The following DGKI variants were observed in gnomAD, a reference collection of about 807,000 sequenced individuals.
The protein encoded by DGKI is DAG kinase iota.
In DGKI, 55 loss-of-function variants were observed where a neutral mutation model predicts 147.5. That is an observed-to-expected ratio of 0.37 (90% CI 0.30 to 0.47). The LOEUF is 0.47. DGKI is among the 20% of genes least tolerant of loss of function. The probability of loss-of-function intolerance (pLI) is 1.00; values close to 1 mark genes in which losing one functional copy is unlikely to be tolerated. For synonymous variants in DGKI, 469 were observed against 477.1 expected (o/e 0.98, Z 0.22); for missense variants, 1,007 against 1,323.8 (o/e 0.76, Z 3.71).
At chr7:137,693,805 C>A (rs207468661) in intron 1 of DGKI, among the ~76,000 whole-genome samples, 1 of 152,118 alleles carries the variant, frequency 6.6e-6, no homozygotes, top group Non-Finnish European at 1.5e-5. Context: ...GATATTCTTG[C>A]CTGAGAGAGT....
intron 27 of DGKI, among the ~76,000 whole-genome samples, chr7:137,454,132 G>A (rs1814088048): frequency 6.6e-6 from 1 of 152,068 alleles, no homozygotes; most frequent in South Asian, 2.1e-4. Flanking sequence ...CATATTAAGT[G>A]TCCTCACCAC....
chr7:137,568,776 CTA>C (rs1389957145), intron 19 of DGKI, among the ~76,000 whole-genome samples: 3 of 152,022 alleles, frequency 2.0e-5, no homozygotes, highest in Non-Finnish European at 4.4e-5. Context: ...ACCTAGTGCA[CTA>C]TTTGTGAAAG....
At chr7:137,443,757 C>G (rs981779954) in intron 28 of DGKI, among the ~76,000 whole-genome samples, 2 of 152,110 alleles carry the variant, frequency 1.3e-5, no homozygotes, top group Admixed American at 6.5e-5. Context: ...GGATAAAAAT[C>G]TGAGTCATAA....
At chr7:137,556,191 T>C (rs1332317217) in intron 19 of DGKI, among the ~76,000 whole-genome samples, 3 of 151,956 alleles carry the variant, frequency 2.0e-5, no homozygotes, top group Non-Finnish European at 4.4e-5. Context: ...ATGAATTTCA[T>C]AGAAAACTAA....
intron 21 of DGKI, among the ~76,000 whole-genome samples, chr7:137,507,620 T>C (rs1816413031): frequency 6.6e-6 from 1 of 152,240 alleles, no homozygotes; most frequent in South Asian, 2.1e-4. Flanking sequence ...TTCACGTCTA[T>C]AAGTCATTCA....
chr7:137,402,532 C>T (rs1811797176), intron 30 of DGKI, among the ~76,000 whole-genome samples: 1 of 152,246 alleles, frequency 6.6e-6, no homozygotes, highest in African/African-American at 2.4e-5. Context: ...TACCCCAGCT[C>T]CCGCTGATGT....
At chr7:137,799,681 G>C (rs188646563) in intron 1 of DGKI, among the ~76,000 whole-genome samples, 16 of 152,232 alleles carry the variant, frequency 1.1e-4, no homozygotes, top group Admixed American at 7.9e-4. Context: ...AAGGAAAACT[G>C]ATCAAAATCT....
At chr7:137,436,509 C>T (rs1813291785) in intron 28 of DGKI, among the ~76,000 whole-genome samples, 1 of 152,134 alleles carries the variant, frequency 6.6e-6, no homozygotes, top group Non-Finnish European at 1.5e-5. Context: ...CCTGAGTTCA[C>T]ATCCTAGTTC....
intron 6 of DGKI, among the ~76,000 whole-genome samples, chr7:137,642,583 A>C (rs1821669168): frequency 6.6e-6 from 1 of 152,208 alleles, no homozygotes; most frequent in Non-Finnish European, 1.5e-5. Context: ...ATCAAGGACT[A>C]TGAATGACAA....
chr7:137,834,052 T>C (rs2117080739), intron 1 of DGKI, among the ~76,000 whole-genome samples: 1 of 152,352 alleles, frequency 6.6e-6, no homozygotes, highest in East Asian at 1.9e-4. Context: ...TGTAAAGCTA[T>C]GGATAGTAAA....
chr7:137,521,977 A>C lies in DGKI; in HGVS notation c.2148-11T>G. Reference sequence around the variant, plus strand: ...GGGACAGACTGGGGACTGCAAAACAAGAACCGAGTGGTCAGATACAAATGA... The same window carrying C: ...GGGACAGACTGGGGACTGCAAAACACGAACCGAGTGGTCAGATACAAATGA... On this transcript the variant is annotated splice_polypyrimidine_tract_variant and intron_variant, in intron 20 of 32. Coordinates refer to ENST00000614521, the MANE Select transcript of DGKI (RefSeq NM_001321708.2). 6.2e-7 allele frequency: 1 copy of C among 1,602,694 alleles called. No homozygotes were observed. The highest frequency in any genetic ancestry group is 8.5e-7 in the Non-Finnish European group (1 of 1,172,040).
chr7:137,684,487 G>A (rs913464869), intron 2 of DGKI, among the ~76,000 whole-genome samples: 1 of 152,158 alleles, frequency 6.6e-6, no homozygotes, highest in African/African-American at 2.4e-5. Context: ...GACAGCGTTT[G>A]TTTAGATAAT....
At chr7:137,743,471 A>T (rs2116717615) in intron 1 of DGKI, among the ~76,000 whole-genome samples, 1 of 152,376 alleles carries the variant, frequency 6.6e-6, no homozygotes, top group South Asian at 2.1e-4. Context: ...AATCAACACT[A>T]AGAGGAACCT....
rs1454287860 is a variant in DGKI at position 137,470,618 on chromosome 7, AGTGCAGTG to A, written c.2374-1007_2374-1000del. ...TCTTCCAGGCTGTCTTCCAGGCTGG[AGTGCAGTG>A]GTGTGATCATGGCTCACCATAGCCT... On this transcript the variant is annotated intron_variant, in intron 23 of 32. Coordinates refer to ENST00000614521, the MANE Select transcript of DGKI (RefSeq NM_001321708.2). 2.0e-5 allele frequency among the ~76,000 whole-genome samples: 3 copies of A among 151,884 alleles called. No homozygotes were observed. In the East Asian group the frequency reaches 5.8e-4, roughly 29 times the overall value.
chr7:137,790,231 AACACACAC>A (rs137932599), intron 1 of DGKI, among the ~76,000 whole-genome samples: 209 of 143,798 alleles, frequency 1.5e-3, no homozygotes, highest in African/African-American at 4.9e-3. Context: ...GTGTATTACC[AACACACAC>A]ACACACACAC....
intron 1 of DGKI, among the ~76,000 whole-genome samples, chr7:137,800,598 CT>C (rs1208539525): frequency 6.6e-6 from 1 of 152,176 alleles, no homozygotes; most frequent in African/African-American, 2.4e-5. Context: ...CATTAAACAT[CT>C]TTTTTTACAA....
At chr7:137,743,706 G>A (rs545409500) in intron 1 of DGKI, among the ~76,000 whole-genome samples, 19 of 152,086 alleles carry the variant, frequency 1.2e-4, no homozygotes, top group African/African-American at 3.1e-4. Context: ...AATCTTGGCC[G>A]GGCGCGGTGG....
chr7:137,688,551 C>T (rs1823500545), intron 2 of DGKI, among the ~76,000 whole-genome samples: 1 of 152,122 alleles, frequency 6.6e-6, no homozygotes, highest in Non-Finnish European at 1.5e-5. Context: ...TTAAACTACC[C>T]CTGGAATGTC....
intron 21 of DGKI, among the ~76,000 whole-genome samples, chr7:137,491,815 C>T (rs1326142305): frequency 1.3e-5 from 2 of 152,204 alleles, no homozygotes; most frequent in Admixed American, 6.5e-5. Context: ...AAGGGCCTTC[C>T]TTAGTCCTAT....
Sources: allele counts gnomAD v4.1 joint callset (sites outside exome capture counted in the v4.1 genomes callset), GRCh38; gene constraint gnomAD v4.1.1; transcripts MANE v1.5; gene names NCBI Gene and HGNC (gene_info 2026-07-23, HGNC 2026-07-21).